ATP12A: variants seen among roughly 807,000 people sequenced by gnomAD.
The protein encoded by ATP12A is ATPase H+/K+ transporting non-gastric alpha2 subunit, also known as potassium-transporting ATPase alpha chain 2.
In ATP12A, 81 loss-of-function variants were observed where a neutral mutation model predicts 111.2. That is an observed-to-expected ratio of 0.73 (90% CI 0.61 to 0.88). ATP12A has a LOEUF of 0.88. ATP12A is among the 40% of genes least tolerant of loss of function. The pLI, the probability that ATP12A is intolerant of heterozygous loss-of-function variation, is 0.00. For synonymous variants in ATP12A, 498 were observed against 499.8 expected (o/e 1.00, Z 0.05); for missense variants, 1,196 against 1,313.1 (o/e 0.91, Z 1.38).
chr13:24,690,786 G>A, intron 7 of ATP12A, 65 bp downstream of exon 7: 2 of 1,514,458 alleles, frequency 1.3e-6, no homozygotes, highest in Non-Finnish European at 1.8e-6. Context: ...TGGGCTCTCA[G>A]GTCTGTCCTT....
intron 8 of ATP12A, among the ~76,000 whole-genome samples, chr13:24,691,488 A>T (rs1205436139): frequency 1.3e-5 from 2 of 152,162 alleles, no homozygotes; most frequent in Admixed American, 6.5e-5. Context: ...TGCAATTCAC[A>T]CAGCTTACTC....
rs760364080 is a variant in ATP12A at position 24,710,910 on chromosome 13, C to T, written c.2999+17C>T. 83 of 1,603,976 alleles carry T rather than the reference C, an allele frequency of 5.2e-5. No individual in the cohort carries two copies. The highest frequency in any genetic ancestry group is 6.7e-5 in the Non-Finnish European group (78 of 1,171,030). On this transcript the variant is annotated intron_variant, in intron 21 of 22. Transcript: ENST00000381946. ...CATGCTTAGGTGAGTTCACCCTCAACAGCATGGAGGAAAGAGCCAGCCTCT... is the reference window on the plus strand; with the variant it reads ...CATGCTTAGGTGAGTTCACCCTCAATAGCATGGAGGAAAGAGCCAGCCTCT...
At chr13:24,710,938 T>C in intron 21 of ATP12A, 45 bp downstream of exon 21, 1 of 1,560,600 alleles carries the variant, frequency 6.4e-7, no homozygotes, top group Non-Finnish European at 8.8e-7. Context: ...CAGCCTCTGC[T>C]TTGAGCTGTC....
intron 1 of ATP12A, 43 bp downstream of exon 1, chr13:24,680,795 G>C: frequency 6.8e-7 from 1 of 1,473,014 alleles, no homozygotes; most frequent in South Asian, 1.3e-5. Flanking sequence ...GAGACGCTGG[G>C]CCAAGGCCCC....
chr13:24,685,259 C>G lies in ATP12A; in HGVS notation c.169-55C>G. The G allele has an allele frequency of 6.4e-7, 1 of 1,557,764 alleles. No individual in the cohort carries two copies. Among genetic ancestry groups the G allele is most frequent in the Non-Finnish European group, 8.9e-7 (1 of 1,128,854 alleles). On this transcript the variant is annotated intron_variant, in intron 2 of 22. Coordinates refer to ENST00000381946, the MANE Select transcript of ATP12A (RefSeq NM_001676.7). The surrounding 1 kb of genome is among the most constrained non-coding windows in gnomAD (Gnocchi z 5.5). ...TTCCATGGCTGGTCAAAGCTTGGGG[C>G]TTGAGTCTTTTGGAATTATCTAATT...
intron 19 of ATP12A, 22 bp downstream of exon 19, chr13:24,709,850 G>A (rs1185693688): frequency 6.2e-7 from 1 of 1,612,638 alleles, no homozygotes; most frequent in South Asian, 1.1e-5. Flanking sequence ...GAGCCCTGCT[G>A]CAGAGTCCAC....
intron 11 of ATP12A, among the ~76,000 whole-genome samples, chr13:24,696,874 C>T (rs1218228091): frequency 6.6e-6 from 1 of 152,114 alleles, no homozygotes; most frequent in Admixed American, 6.5e-5. Context: ...ATGTCATGGC[C>T]TTGGAAGGAG....
At chr13:24,682,361 A>ATGTGTGGTGTG (rs1874509316) in intron 2 of ATP12A, among the ~76,000 whole-genome samples, 1 of 46,720 alleles carries the variant, frequency 2.1e-5, no homozygotes, top group African/African-American at 8.6e-5. Context: ...TGTGGTGTAT[A>ATGTGTGGTGTG]TGTGTGGTGT....
chr13:24,681,001 C>T (rs1874410755), intron 1 of ATP12A, among the ~76,000 whole-genome samples: 1 of 152,180 alleles, frequency 6.6e-6, no homozygotes, highest in South Asian at 2.1e-4. Flanking sequence ...GAGAAGGGGC[C>T]AAGGGGTCCT....
chr13:24,692,653 G>A (rs1874961780), intron 9 of ATP12A, 26 bp downstream of exon 9: 1 of 1,604,618 alleles, frequency 6.2e-7, no homozygotes, highest in Admixed American at 1.7e-5. Context: ...AGCTCGGTCT[G>A]GCCAAAGCTG....
intron 8 of ATP12A, among the ~76,000 whole-genome samples, chr13:24,691,850 C>T (rs911570231): frequency 1.3e-5 from 2 of 152,262 alleles, no homozygotes; most frequent in Middle Eastern, 3.4e-3. Flanking sequence ...CTGCTATTGT[C>T]CTGACCAAAG....
In ATP12A at chr13:24,681,652, C is replaced by T. The variant is rs772439634; in HGVS notation, c.100C>T (p.Leu34=). The T allele has an allele frequency of 1.7e-5, 28 of 1,614,196 alleles. No individual in the cohort carries two copies. Among genetic ancestry groups the T allele is most frequent in the Non-Finnish European group, 2.2e-5 (26 of 1,180,040 alleles). The stretch of plus-strand genomic sequence containing the variant: ...GGATGGCAAGGAGAAGTATAGGGGT[C>T]TGAAGAACAACTGCCTGGAACTCAA... ...KGDGKEKYRG[L]KNNCLELKKK... is the part of the protein sequence containing the mutation. The change falls in exon 2 of 23, where the codon CTG becomes TTG. Residue 34 remains leucine, a synonymous_variant. Coordinates refer to ENST00000381946, the MANE Select transcript of ATP12A (RefSeq NM_001676.7).
intron 14 of ATP12A, among the ~76,000 whole-genome samples, chr13:24,702,318 A>AGTGTGCCCTGGGCACAAAACCT (rs1315371838): frequency 2.0e-5 from 3 of 152,258 alleles, no homozygotes; most frequent in African/African-American, 7.2e-5. Context: ...TTCAAAATCC[A>AGTGTGCCCTGGGCACAAAACCT]GTGTGCCCTG....
chr13:24,694,642 A>C, intron 11 of ATP12A, 64 bp downstream of exon 11: 1 of 1,603,880 alleles, frequency 6.2e-7, no homozygotes, highest in African/African-American at 1.3e-5. Flanking sequence ...ACTTGCATGC[A>C]TCCTTTGCTT....
chr13:24,707,512 G>A (rs1197762715), intron 17 of ATP12A, 79 bp downstream of exon 17: 13 of 1,563,196 alleles, frequency 8.3e-6, no homozygotes, highest in African/African-American at 5.4e-5. Flanking sequence ...TTCAAGGGCC[G>A]GGGATGGACT....
At position 24,691,193 on chromosome 13, in the gene ATP12A, C is replaced by A; in HGVS notation, c.1011C>A (p.Ile337=). ...SLKYQVLDSI[I]FLIGIIVANV... ...AGTATCAAGTCCTGGACTCCATCATCTTCCTCATTGGCATCATTGTGGCCA... is the reference window on the plus strand; with the variant it reads ...AGTATCAAGTCCTGGACTCCATCATATTCCTCATTGGCATCATTGTGGCCA... The change falls in exon 8 of 23, where the codon ATC becomes ATA. Residue 337 remains isoleucine, a synonymous_variant. Coordinates refer to ENST00000381946, the MANE Select transcript of ATP12A (RefSeq NM_001676.7). 6.2e-7 allele frequency: 1 copy of A among 1,614,186 alleles called. No individual in the cohort carries two copies. The highest frequency in any genetic ancestry group is 8.5e-7 in the Non-Finnish European group (1 of 1,180,028).
At chr13:24,687,878 C>T (rs1445942731) in intron 3 of ATP12A, among the ~76,000 whole-genome samples, 1 of 152,106 alleles carries the variant, frequency 6.6e-6, no homozygotes, top group East Asian at 1.9e-4. Flanking sequence ...GTCCTCTCAC[C>T]GGATAAACCT....
intron 14 of ATP12A, among the ~76,000 whole-genome samples, chr13:24,705,246 C>T (rs146011401): frequency 4.5e-4 from 69 of 152,260 alleles, no homozygotes; most frequent in African/African-American, 1.5e-3. Flanking sequence ...GGTCAGGGAG[C>T]GAGACCCGTG....
intron 2 of ATP12A, 55 bp downstream of exon 2, chr13:24,681,775 C>T: frequency 6.2e-7 from 1 of 1,606,496 alleles, no homozygotes; most frequent in Non-Finnish European, 8.5e-7. Flanking sequence ...CCCGCAAGAG[C>T]TTGCCCCTAG....
Sources: allele counts gnomAD v4.1 joint callset (sites outside exome capture counted in the v4.1 genomes callset), GRCh38; gene constraint gnomAD v4.1.1; non-coding constraint Gnocchi (gnomAD v3.1); transcripts MANE v1.5; gene names NCBI Gene and HGNC (gene_info 2026-07-23, HGNC 2026-07-21).